Variants in NLRP2 observed in about 807,000 individuals in gnomAD.
The protein encoded by NLRP2 is NLR family pyrin domain containing 2.
In NLRP2, 107 loss-of-function variants were observed where a neutral mutation model predicts 97.2. The observed-to-expected ratio is 1.10, with a 90% CI of 0.94 to 1.29. The LOEUF (loss-of-function observed/expected upper bound fraction) is 1.29, where lower values mean the gene tolerates loss of function less well. NLRP2 is among the 50% of genes most tolerant of loss of function. NLRP2 has a pLI of 0.00. For missense variants in NLRP2, 1,495 were observed against 1,330.3 expected, an observed-to-expected ratio of 1.12 and a Z score of -1.93; for synonymous variants, 663 against 551.5, an observed-to-expected ratio of 1.20 and a Z score of -2.83.
At chr19:54,999,466 T>C (rs1399572474) in intron 12 of NLRP2, among the ~76,000 whole-genome samples, 1 of 152,136 alleles carries the variant, frequency 6.6e-6, no homozygotes, top group Non-Finnish European at 1.5e-5. Context: ...TCTGTTTAAC[T>C]GGTACTCCGG....
At position 54,977,740 on chromosome 19, in the gene NLRP2, C is replaced by CT; in HGVS notation, c.326-7dup. On this transcript the variant is annotated splice_polypyrimidine_tract_variant and intron_variant, in intron 3 of 12. Transcript: ENST00000448584. The stretch of plus-strand genomic sequence containing the variant: ...ACAGCAACAGGCCTGTAATGCCGCC[C>CT]TTTTTCTCCAGGGATAACACGGAAA... 1 of 1,613,746 alleles carries CT rather than the reference C, an allele frequency of 6.2e-7. No homozygotes were observed. Among genetic ancestry groups the CT allele is most frequent in the South Asian group, 1.1e-5 (1 of 91,074 alleles).
chr19:54,970,510 C>T (rs1157142145), intron 2 of NLRP2, among the ~76,000 whole-genome samples: 1 of 151,994 alleles, frequency 6.6e-6, no homozygotes, highest in African/African-American at 2.4e-5. Flanking sequence ...CAAAAATTTG[C>T]TGGACGTGGT....
At chr19:54,995,282 C>T (rs2072746925) in intron 11 of NLRP2, among the ~76,000 whole-genome samples, 1 of 149,064 alleles carries the variant, frequency 6.7e-6, no homozygotes, top group East Asian at 2.1e-4. Flanking sequence ...CCTCCACCTC[C>T]TGGGTTCAAG....
intron 3 of NLRP2, 120 bp downstream of exon 3, chr19:54,974,664 G>C: frequency 5.1e-6 from 4 of 783,866 alleles, no homozygotes; most frequent in South Asian, 3.0e-5. Context: ...TAGCATCCCT[G>C]CTCCCAGGGC....
At chr19:54,992,305 C>G (rs2072526973) in intron 10 of NLRP2, among the ~76,000 whole-genome samples, 1 of 151,924 alleles carries the variant, frequency 6.6e-6, no homozygotes, top group Admixed American at 6.6e-5. Flanking sequence ...GGATATGTAC[C>G]TGGCATCTGA....
At chr19:54,992,171 C>G (rs894493356) in intron 10 of NLRP2, among the ~76,000 whole-genome samples, 1 of 151,844 alleles carries the variant, frequency 6.6e-6, no homozygotes, top group African/African-American at 2.4e-5. Context: ...CTCAGCCTTC[C>G]AAAGTGCTAG....
intron 2 of NLRP2, among the ~76,000 whole-genome samples, chr19:54,972,662 G>C (rs2070940710): frequency 6.6e-6 from 1 of 151,812 alleles, no homozygotes; most frequent in East Asian, 1.9e-4. Flanking sequence ...TCACCATGTT[G>C]CCCAGGCTGG....
intron 11 of NLRP2, 61 bp downstream of exon 11, chr19:54,994,500 TA>T: frequency 6.4e-7 from 1 of 1,574,332 alleles, no homozygotes; most frequent in Non-Finnish European, 8.7e-7. Context: ...GTGGCTAGTG[TA>T]AAATAATCAG....
At chr19:54,989,080 C>T (rs2072287075) in intron 8 of NLRP2, among the ~76,000 whole-genome samples, 1 of 151,882 alleles carries the variant, frequency 6.6e-6, no homozygotes, top group African/African-American at 2.4e-5. Context: ...GCCTCAGCCT[C>T]CTGAGTAGCT....
rs2071142937 is a variant in NLRP2, at chr19:54,975,210, TC to T, written c.325+669del. 2.1e-5 allele frequency among the ~76,000 whole-genome samples: 3 copies of T among 140,090 alleles called. No individual in the cohort carries two copies. The South Asian group carries it at 7.6e-4, about 35-fold the overall frequency. The allele number at this position is 140,090 out of a possible 152,430, so 91.9% of individuals were successfully genotyped here. A position where few individuals can be genotyped will look rare whatever the true frequency, so the allele number is the denominator to read the frequency against. On this transcript the variant is annotated intron_variant, in intron 3 of 12. Coordinates refer to ENST00000448584, the MANE Select transcript of NLRP2 (RefSeq NM_017852.5). ...ATCATGGTTCACTGCAGCCTTGACC[TC>T]CCAAGCTCTGGTGATCCTCCTGCCT...
chr19:55,000,000 G>GTGCTGGCAT (rs1270320068), intron 12 of NLRP2, among the ~76,000 whole-genome samples: 5 of 152,006 alleles, frequency 3.3e-5, no homozygotes, highest in African/African-American at 1.2e-4. Flanking sequence ...CTCTCCCAAA[G>GTGCTGGCAT]TGCTGGCATT....
At chr19:54,970,373 A>T (rs1199725100) in intron 2 of NLRP2, 78 bp downstream of exon 2, 2 of 1,556,900 alleles carry the variant, frequency 1.3e-6, no homozygotes, top group Admixed American at 1.7e-5. Flanking sequence ...TCAGAAGGCC[A>T]GGCGCGCTGG....
intron 7 of NLRP2, 139 bp from the exon 8 acceptor site, chr19:54,986,012 A>C: frequency 2.8e-6 from 2 of 709,308 alleles, no homozygotes; most frequent in Non-Finnish European, 5.0e-6. Flanking sequence ...AAAGAAAAAA[A>C]AAATCTGTAA....
chr19:54,979,672 A>G (rs949155328), intron 4 of NLRP2, among the ~76,000 whole-genome samples: 1 of 152,056 alleles, frequency 6.6e-6, no homozygotes, highest in Non-Finnish European at 1.5e-5. Context: ...TTGATACAGC[A>G]AGTATTTCTT....
intron 6 of NLRP2, among the ~76,000 whole-genome samples, chr19:54,984,329 G>GTGTGTGTTGTTTTTTTTTTTT: frequency 1.3e-5 from 1 of 79,670 alleles, no homozygotes; most frequent in Non-Finnish European, 2.5e-5. Context: ...TTTTTTTTGT[G>GTGTGTGTTGTTTTTTTTTTTT]TTTTTTTTTT....
chr19:54,987,912 G>A (rs747036082), intron 8 of NLRP2, among the ~76,000 whole-genome samples: 20 of 151,890 alleles, frequency 1.3e-4, no homozygotes, highest in Non-Finnish European at 2.5e-4. Context: ...GCATGGTGGC[G>A]CGTGCCTGTA....
At chr19:54,969,064 C>T (rs188916444) in intron 1 of NLRP2, among the ~76,000 whole-genome samples, 308 of 152,260 alleles carry the variant, frequency 2.0e-3, no homozygotes, top group Middle Eastern at 0.01. Flanking sequence ...GGGTGATCCA[C>T]GTAGCTCCCC....
At chr19:54,983,850 CTTTG>C (rs201296585) in intron 6 of NLRP2, 122 bp downstream of exon 6, 21,094 of 1,378,738 alleles carry the variant, frequency 0.015, 207 homozygotes, top group Non-Finnish European at 0.018. Flanking sequence ...TTGTTGGACT[CTTTG>C]TTTGTTTTTG....
intron 8 of NLRP2, 68 bp downstream of exon 8, chr19:54,986,383 T>C (rs1602390830): frequency 6.8e-7 from 1 of 1,474,342 alleles, no homozygotes; most frequent in Admixed American, 1.7e-5. Flanking sequence ...ATGTGGCAAT[T>C]TTGTGTAAAT....
Sources: allele counts gnomAD v4.1 joint callset (sites outside exome capture counted in the v4.1 genomes callset), GRCh38; gene constraint gnomAD v4.1.1; transcripts MANE v1.5; gene names NCBI Gene and HGNC (gene_info 2026-07-23, HGNC 2026-07-21).